The following ARHGAP23 variants were observed in gnomAD, a reference collection of about 807,000 sequenced individuals.
ARHGAP23 encodes the protein Rho GTPase activating protein 23.
In ARHGAP23, 34 loss-of-function variants were observed where a neutral mutation model predicts 136.3. The observed-to-expected ratio is 0.25, with a 90% CI of 0.19 to 0.33. ARHGAP23 has a LOEUF of 0.33. Among genes scored for constraint, ARHGAP23 ranks in the 10% least tolerant of loss-of-function variants. The pLI is 1.00. For missense variants in ARHGAP23, 1,808 were observed against 2,139.0 expected, an observed-to-expected ratio of 0.85 and a Z score of 3.05; for synonymous variants, 832 against 920.5, an observed-to-expected ratio of 0.90 and a Z score of 1.74.
chr17:38,466,040 G>A (rs1362131838), intron 6 of ARHGAP23, 127 bp from the exon 7 acceptor site: 8 of 498,472 alleles, frequency 1.6e-5, no homozygotes, highest in East Asian at 7.4e-5. Flanking sequence ...CCTCTCCCTC[G>A]TTCCCCCCAC....
intron 1 of ARHGAP23, among the ~76,000 whole-genome samples, chr17:38,439,324 C>T (rs961669019): frequency 2.0e-5 from 3 of 152,110 alleles, no homozygotes; most frequent in Non-Finnish European, 4.4e-5. Context: ...GTTCAAATAT[C>T]TTCCGTAAAG....
chr17:38,498,501 C>T lies in ARHGAP23; in HGVS notation c.3406C>T (p.Pro1136Ser), dbSNP rs767751413. The part of the protein sequence containing the change: ...NIGRTVPPGD[P>S]GSDSTTCSSA... ...TGGCAGGACAGTGCCCCCTGGCGAC[C>T]CGGGGTCAGGTGAGCGCAGGGGCCT... Residue 1136 changes from proline to serine, a missense_variant, in exon 22 of 24, where the codon CCG becomes TCG. Physicochemically the swap from Pro to Ser is moderately conservative, Grantham distance 74. Coordinates refer to ENST00000622683, the MANE Select transcript of ARHGAP23 (RefSeq NM_001199417.2). 6.5e-7 allele frequency: 1 copy of T among 1,547,286 alleles called. No individual in the cohort carries two copies. Among genetic ancestry groups the T allele is most frequent in the South Asian group, 1.2e-5 (1 of 83,762 alleles).
In ARHGAP23 at chr17:38,477,031, G is replaced by A. The variant is rs536671600; in HGVS notation, c.2119-548G>A. Among the ~76,000 whole-genome samples the A allele has an allele frequency of 6.3e-4, 96 of 152,254 alleles. No homozygotes were observed. Among genetic ancestry groups the A allele is most frequent in the Non-Finnish European group, 1.1e-3 (75 of 68,008 alleles). The stretch of plus-strand genomic sequence containing the variant: ...GGAGGGGCTGGCTGTGTCAGATGCC[G>A]CTGAGGGGTTAAGGCAAGTTGGGGA... On this transcript the variant is annotated intron_variant, in intron 11 of 23. Coordinates refer to ENST00000622683, the MANE Select transcript of ARHGAP23 (RefSeq NM_001199417.2). The surrounding 1 kb of genome is among the most constrained non-coding windows in gnomAD (Gnocchi z 6.6).
intron 16 of ARHGAP23, among the ~76,000 whole-genome samples, chr17:38,484,879 T>A (rs868729321): frequency 6.6e-6 from 1 of 152,090 alleles, no homozygotes; most frequent in Non-Finnish European, 1.5e-5. Context: ...GGGAGTGTAT[T>A]GTTTATGGGA....
chr17:38,474,863 C>G (rs1449736253), intron 11 of ARHGAP23, among the ~76,000 whole-genome samples: 2 of 152,146 alleles, frequency 1.3e-5, no homozygotes, highest in African/African-American at 2.4e-5. Flanking sequence ...GTGCACTGTG[C>G]GAGGAGAGCC....
At chr17:38,452,012 CCAGCAAA>C (rs2039183639) in intron 1 of ARHGAP23, 1 of 152,676 alleles carries the variant, frequency 6.5e-6, no homozygotes, top group Admixed American at 6.5e-5. Context: ...GAGGGGGAGC[CCAGCAAA>C]CAGGAAACAG....
intron 21 of ARHGAP23, 124 bp from the exon 22 acceptor site, chr17:38,498,290 C>G: frequency 1.4e-6 from 1 of 689,678 alleles, no homozygotes; most frequent in Non-Finnish European, 2.4e-6. Flanking sequence ...GGGAGACGGT[C>G]CCTGCCCCAG....
chr17:38,461,341 G>T (rs2039456607), intron 3 of ARHGAP23, among the ~76,000 whole-genome samples: 2 of 152,208 alleles, frequency 1.3e-5, no homozygotes, highest in South Asian at 2.1e-4. Context: ...TGGAGGCGGA[G>T]ACAGTGGAGT....
intron 20 of ARHGAP23, among the ~76,000 whole-genome samples, chr17:38,492,301 T>TA (rs926004376): frequency 5.3e-5 from 8 of 152,304 alleles, no homozygotes; most frequent in Admixed American, 5.2e-4. Flanking sequence ...CAATTCTTGT[T>TA]ACAGCCCACA....
At chr17:38,490,912 T>TTTTGTTTG (rs1306669286) in intron 19 of ARHGAP23, among the ~76,000 whole-genome samples, 1 of 152,112 alleles carries the variant, frequency 6.6e-6, no homozygotes, top group African/African-American at 2.4e-5. Context: ...ATTTTTTGTG[T>TTTTGTTTG]TTTGTTTGTT....
chr17:38,421,552 G>T (rs1166306410), intron 1 of ARHGAP23, among the ~76,000 whole-genome samples: 1 of 152,354 alleles, frequency 6.6e-6, no homozygotes, highest in Non-Finnish European at 1.5e-5. Flanking sequence ...GTAAAGCAAA[G>T]AATCCTTTTA....
chr17:38,490,344 G>A (rs1466971227), intron 18 of ARHGAP23, 118 bp from the exon 19 acceptor site: 1 of 1,108,642 alleles, frequency 9.0e-7, no homozygotes, highest in African/African-American at 1.6e-5. Flanking sequence ...GGGGGTTAGA[G>A]GATAGGTTCC....
chr17:38,425,088 G>A (rs904720218), upstream of ARHGAP23, among the ~76,000 whole-genome samples: 7 of 152,142 alleles, frequency 4.6e-5, no homozygotes, highest in South Asian at 2.1e-4. Context: ...TATGTGCCAC[G>A]GTGGCCATGG....
intron 23 of ARHGAP23, among the ~76,000 whole-genome samples, chr17:38,502,448 A>T (rs1282059865): frequency 5.9e-5 from 9 of 152,262 alleles, no homozygotes; most frequent in Admixed American, 5.2e-4. Context: ...TACTTGTTGA[A>T]CGTCTACTTT....
intron 1 of ARHGAP23, among the ~76,000 whole-genome samples, chr17:38,429,101 C>T (rs1447381448): frequency 6.6e-6 from 1 of 152,244 alleles, no homozygotes; most frequent in Non-Finnish European, 1.5e-5. Context: ...TTCCGCCGCC[C>T]TCCTGGATCC....
intron 14 of ARHGAP23, 149 bp from the exon 15 acceptor site, chr17:38,481,873 C>G: frequency 1.2e-6 from 1 of 810,836 alleles, no homozygotes; most frequent in East Asian, 3.3e-5. Flanking sequence ...CAGGCCTTCT[C>G]TCTTGCCATA....
chr17:38,501,350 G>A (rs979261763), intron 23 of ARHGAP23, among the ~76,000 whole-genome samples: 10 of 151,980 alleles, frequency 6.6e-5, no homozygotes, highest in Non-Finnish European at 1.2e-4. Context: ...CACCCAGGCT[G>A]GAGTGCAGTG....
intron 14 of ARHGAP23, among the ~76,000 whole-genome samples, chr17:38,480,165 C>T (rs1050351298): frequency 3.9e-5 from 6 of 152,216 alleles, no homozygotes; most frequent in African/African-American, 1.4e-4. Flanking sequence ...CCACCCTTTC[C>T]AAGAGCAACC....
chr17:38,481,451 C>T (rs933920265), intron 14 of ARHGAP23, among the ~76,000 whole-genome samples: 2 of 152,220 alleles, frequency 1.3e-5, no homozygotes, highest in Admixed American at 6.5e-5. Context: ...CCGGCCCACG[C>T]CCGGCTAATT....
Sources: allele counts gnomAD v4.1 joint callset (sites outside exome capture counted in the v4.1 genomes callset), GRCh38; gene constraint gnomAD v4.1.1; non-coding constraint Gnocchi (gnomAD v3.1); transcripts MANE v1.5; gene names NCBI Gene and HGNC (gene_info 2026-07-23, HGNC 2026-07-21).